The following DLGAP2 variants were observed in gnomAD, a reference collection of about 807,000 sequenced individuals.
DLGAP2 encodes DLG associated protein 2, also known as disks large-associated protein 2.
Under a neutral mutation model 100.3 loss-of-function variants are expected in DLGAP2, and 26 were observed. The observed-to-expected ratio is 0.26, with a 90% CI of 0.19 to 0.36. DLGAP2 has a LOEUF of 0.36. Among genes scored for constraint, DLGAP2 ranks in the 10% least tolerant of loss-of-function variants. The pLI is 1.00. For synonymous variants in DLGAP2, 886 were observed against 630.1 expected (o/e 1.41, Z -6.08); for missense variants, 1,858 against 1,453.2 (o/e 1.28, Z -4.53).
At chr8:770,731 T>C (rs555203766) in intron 1 of DLGAP2, among the ~76,000 whole-genome samples, 47 of 152,288 alleles carry the variant, frequency 3.1e-4, no homozygotes, top group Non-Finnish European at 4.7e-4. Flanking sequence ...CAGGGGGTTA[T>C]GCTTGCATTG....
At chr8:1,063,068 G>C (rs1244567422) in intron 2 of DLGAP2, among the ~76,000 whole-genome samples, 1 of 152,306 alleles carries the variant, frequency 6.6e-6, no homozygotes, top group East Asian at 1.9e-4. Flanking sequence ...AGAAGCCTGT[G>C]GAAACGGCTT....
At chr8:1,044,210 A>C (rs1276696570) in intron 2 of DLGAP2, among the ~76,000 whole-genome samples, 3 of 152,252 alleles carry the variant, frequency 2.0e-5, no homozygotes, top group East Asian at 3.8e-4. Context: ...ACTGGTGGTC[A>C]TAAAACCCAA....
At chr8:924,536 A>G (rs1163664274) in intron 2 of DLGAP2, among the ~76,000 whole-genome samples, 2 of 150,338 alleles carry the variant, frequency 1.3e-5, no homozygotes, top group Admixed American at 6.6e-5. Flanking sequence ...CATTTCAGAA[A>G]CTTCGGGAAG....
At chr8:1,020,912 A>G (rs566715982) in intron 2 of DLGAP2, among the ~76,000 whole-genome samples, 1 of 152,328 alleles carries the variant, frequency 6.6e-6, no homozygotes, top group African/African-American at 2.4e-5. Flanking sequence ...CCCCATTCAT[A>G]CAAATGCTCA....
chr8:1,194,625 G>A (rs563116411), intron 2 of DLGAP2, among the ~76,000 whole-genome samples: 8 of 152,286 alleles, frequency 5.3e-5, no homozygotes, highest in African/African-American at 1.7e-4. Flanking sequence ...TCTGGAAGCC[G>A]AGTCCTTGCT....
Position 1,146,240 on chromosome 8 carries a change from C to T in DLGAP2, c.74-112611C>T, listed in dbSNP as rs117069490. Among the ~76,000 whole-genome samples the T allele has an allele frequency of 4.5e-3, 691 of 152,282 alleles. 25 individuals carry two copies. In the East Asian group the frequency reaches 0.1, roughly 23 times the overall value. On this transcript the variant is annotated intron_variant, in intron 2 of 14. Transcript: ENST00000637795. ...TAACTTCCTGGATGCTCGGTCACCT[C>T]GAACGTCTTTTCTTTATCTGCCATC...
chr8:1,698,994 C>T (rs1207885501), intron 14 of DLGAP2, among the ~76,000 whole-genome samples: 1 of 152,148 alleles, frequency 6.6e-6, no homozygotes, highest in African/African-American at 2.4e-5. Context: ...GGCAGGTCCA[C>T]ATAACCCATG....
intron 6 of DLGAP2, among the ~76,000 whole-genome samples, chr8:1,614,189 C>T (rs1797074668): frequency 6.6e-6 from 1 of 152,164 alleles, no homozygotes; most frequent in African/African-American, 2.4e-5. Context: ...ACCCCACCAG[C>T]ACCTTCAGCA....
At chr8:1,175,355 T>C (rs1170061895) in intron 2 of DLGAP2, among the ~76,000 whole-genome samples, 1 of 152,206 alleles carries the variant, frequency 6.6e-6, no homozygotes, top group Non-Finnish European at 1.5e-5. Flanking sequence ...GTAGCACATC[T>C]AATCTAAAAG....
At chr8:1,602,729 T>A (rs1796668414) in intron 6 of DLGAP2, among the ~76,000 whole-genome samples, 1 of 152,322 alleles carries the variant, frequency 6.6e-6, no homozygotes, top group East Asian at 1.9e-4. Flanking sequence ...CCCACAAGTG[T>A]CTCTTGAGCT....
At chr8:1,598,934 C>G (rs543114542) in intron 6 of DLGAP2, among the ~76,000 whole-genome samples, 25 of 152,076 alleles carry the variant, frequency 1.6e-4, no homozygotes, top group African/African-American at 6.0e-4. Context: ...GCTCTTGCTT[C>G]TCTGGTCCTT....
intron 4 of DLGAP2, among the ~76,000 whole-genome samples, chr8:1,523,421 C>T (rs1190945331): frequency 1.3e-5 from 2 of 152,228 alleles, no homozygotes; most frequent in South Asian, 2.1e-4. Flanking sequence ...GCTGACTTCA[C>T]GCAGCCCCAG....
chr8:836,299 C>T (rs1352156147), intron 1 of DLGAP2, among the ~76,000 whole-genome samples: 5 of 152,276 alleles, frequency 3.3e-5, no homozygotes, highest in Admixed American at 6.5e-5. Context: ...GTGGAGTAGA[C>T]GCTGTGCAGC....
chr8:1,705,468 C>T lies in DLGAP2; in HGVS notation c.*4062C>T, dbSNP rs1002293543. The T allele has an allele frequency of 2.0e-5, 3 of 152,304 alleles. No individual in the cohort carries two copies. The highest frequency in any genetic ancestry group is 7.2e-5 in the African/African-American group (3 of 41,458). The allele number at this position is 152,304 out of a possible 1,614,324, so 9.4% of individuals were successfully genotyped here. A position where few individuals can be genotyped will look rare whatever the true frequency, so the allele number is the denominator to read the frequency against. On this transcript the variant is annotated 3_prime_UTR_variant, in exon 15 of 15. Transcript: ENST00000637795. Reference sequence around the variant, plus strand: ...GGCCACCCTTGATGACAGGGCCCCCCACGAACCTGGGAAAGGCAGCGGGAA... The same window carrying T: ...GGCCACCCTTGATGACAGGGCCCCCTACGAACCTGGGAAAGGCAGCGGGAA...
intron 4 of DLGAP2, among the ~76,000 whole-genome samples, chr8:1,514,937 G>T (rs183462620): frequency 6.6e-6 from 1 of 152,184 alleles, no homozygotes; most frequent in Admixed American, 6.5e-5. Context: ...CACAGCCAGC[G>T]GGCAGGAGCA....
At chr8:1,425,833 G>C (rs182926572) in intron 3 of DLGAP2, among the ~76,000 whole-genome samples, 60 of 152,336 alleles carry the variant, frequency 3.9e-4, no homozygotes, top group African/African-American at 1.4e-3. Flanking sequence ...AACAGAGACA[G>C]CCAGAAGTTC....
At chr8:1,659,050 G>T (rs1165825530) in intron 8 of DLGAP2, among the ~76,000 whole-genome samples, 1 of 151,414 alleles carries the variant, frequency 6.6e-6, no homozygotes, top group Non-Finnish European at 1.5e-5. Flanking sequence ...CACAGCTAAA[G>T]CATTGGTTTC....
At chr8:1,295,192 C>T (rs999640163) in intron 3 of DLGAP2, among the ~76,000 whole-genome samples, 35 of 152,268 alleles carry the variant, frequency 2.3e-4, no homozygotes, top group African/African-American at 6.3e-4. Context: ...ACAGACATGG[C>T]GGCAAGAGTG....
intron 2 of DLGAP2, among the ~76,000 whole-genome samples, chr8:1,119,136 A>G (rs1795974999): frequency 6.6e-6 from 1 of 152,216 alleles, no homozygotes; most frequent in African/African-American, 2.4e-5. Context: ...ACTGATTTGC[A>G]GTTTGGCCCA....
Sources: allele counts gnomAD v4.1 joint callset (sites outside exome capture counted in the v4.1 genomes callset), GRCh38; gene constraint gnomAD v4.1.1; transcripts MANE v1.5; gene names NCBI Gene and HGNC (gene_info 2026-07-23, HGNC 2026-07-21).